The following NRXN1 variants were observed in gnomAD, a reference collection of about 807,000 sequenced individuals.
The protein encoded by NRXN1 is neurexin-1.
NRXN1 carries 39 observed loss-of-function variants against 150.9 expected under a neutral mutation model. The observed-to-expected ratio is 0.26, with a 90% CI of 0.20 to 0.34. The LOEUF is 0.34. NRXN1 is among the 10% of genes least tolerant of loss of function. The pLI is 1.00. For synonymous variants in NRXN1, 924 were observed against 757.0 expected (o/e 1.22, Z -3.62); for missense variants, 1,815 against 1,949.9 (o/e 0.93, Z 1.30).
chr2:50,388,842 T>C (rs535941797), intron 17 of NRXN1, among the ~76,000 whole-genome samples: 11 of 152,142 alleles, frequency 7.2e-5, no homozygotes, highest in African/African-American at 2.7e-4. Context: ...GGTTCTCTGA[T>C]TGATTTTATG....
At chr2:50,370,831 A>G (rs542811805) in intron 17 of NRXN1, among the ~76,000 whole-genome samples, 6 of 151,944 alleles carry the variant, frequency 3.9e-5, no homozygotes, top group Non-Finnish European at 8.8e-5. Context: ...TTTCTACTTA[A>G]TTCCTTTGCT....
At position 50,346,986 on chromosome 2, in the gene NRXN1, G is replaced by A. The variant is rs1057521771; in HGVS notation, c.3365-110016C>T. 11 of 1,360,132 alleles carry A rather than the reference G, an allele frequency of 8.1e-6. No homozygotes were observed. In the African/African-American group the frequency reaches 1.4e-4, roughly 17 times the overall value. 84.3% of individuals were successfully genotyped at this position (1,360,132 alleles called of 1,614,324 possible). On this transcript the variant is annotated intron_variant, in intron 17 of 22. Transcript: ENST00000401669. The surrounding 1 kb of genome is among the most constrained non-coding windows in gnomAD (Gnocchi z 5.0). ...CGCCGAGGGGCAGCCGCCGCGGGAG[G>A]CAAAGTTTGGGGCGCGGGGAGAGGA...
At chr2:50,045,143 C>A (rs1382086562) in intron 21 of NRXN1, among the ~76,000 whole-genome samples, 1 of 132,596 alleles carries the variant, frequency 7.5e-6, no homozygotes, top group Non-Finnish European at 1.6e-5. Flanking sequence ...TGCTGGAGAA[C>A]TTTTCAGTGA....
At chr2:50,244,719 T>TTACCTTTAATGAAC (rs2066343844) in intron 17 of NRXN1, among the ~76,000 whole-genome samples, 1 of 151,916 alleles carries the variant, frequency 6.6e-6, no homozygotes, top group Non-Finnish European at 1.5e-5. Flanking sequence ...TGGTTAATAT[T>TTACCTTTAATGAAC]ATTGTATTGT....
chr2:50,057,833 A>G (rs928138019), intron 19 of NRXN1, among the ~76,000 whole-genome samples: 45 of 152,280 alleles, frequency 3.0e-4, no homozygotes, highest in African/African-American at 1.1e-3. Context: ...AGGAAACACC[A>G]TAAACCTCAC....
At chr2:50,553,302 T>A (rs1214624836) in intron 8 of NRXN1, among the ~76,000 whole-genome samples, 1 of 152,256 alleles carries the variant, frequency 6.6e-6, no homozygotes, top group Non-Finnish European at 1.5e-5. Flanking sequence ...TCAAATAATT[T>A]AAAAATCTGC....
At chr2:50,702,091 A>T (rs858931) in intron 5 of NRXN1, among the ~76,000 whole-genome samples, 139,087 of 152,108 alleles carry the variant, frequency 0.91, 63,835 homozygotes, top group African/African-American at 0.98. Flanking sequence ...TAAGACCTAC[A>T]GGTATTCGAA....
At chr2:50,590,497 G>A (rs976726598) in intron 8 of NRXN1, among the ~76,000 whole-genome samples, 2 of 152,092 alleles carry the variant, frequency 1.3e-5, no homozygotes, top group Middle Eastern at 3.2e-3. Context: ...AGAATGTATT[G>A]CATTCCCCTG....
chr2:50,676,050 T>C (rs978766811), intron 5 of NRXN1, among the ~76,000 whole-genome samples: 1 of 152,140 alleles, frequency 6.6e-6, no homozygotes, highest in Non-Finnish European at 1.5e-5. Flanking sequence ...GTGGGCCTAG[T>C]GGTAGGTGTT....
intron 5 of NRXN1, among the ~76,000 whole-genome samples, chr2:50,899,431 G>C (rs1442023625): frequency 6.6e-6 from 1 of 152,038 alleles, no homozygotes; most frequent in South Asian, 2.1e-4. Context: ...CAATTTTAGG[G>C]ACACCCTCTG....
chr2:50,454,508 C>G (rs1431761687), intron 17 of NRXN1, among the ~76,000 whole-genome samples: 1 of 151,934 alleles, frequency 6.6e-6, no homozygotes, highest in Non-Finnish European at 1.5e-5. Context: ...GATACACACA[C>G]AGAACCTTTA....
chr2:49,997,665 A>G (rs915953834), intron 21 of NRXN1, among the ~76,000 whole-genome samples: 1 of 152,082 alleles, frequency 6.6e-6, no homozygotes, highest in Non-Finnish European at 1.5e-5. Context: ...TGCCATGTAA[A>G]GTTGTGTACT....
chr2:49,943,180 T>TCAAA lies in NRXN1; in HGVS notation c.4216+520_4216+523dup, dbSNP rs540894510. Among the ~76,000 whole-genome samples the TCAAA allele has an allele frequency of 5.7e-4, 87 of 152,162 alleles. 1 individual carries two copies. Among genetic ancestry groups the TCAAA allele is most frequent in the Non-Finnish European group, 9.6e-4 (65 of 68,036 alleles). On this transcript the variant is annotated intron_variant, in intron 22 of 22. Transcript: ENST00000401669. The stretch of plus-strand genomic sequence containing the variant: ...GAATTTTAGGGAAACATGGCAAGAC[T>TCAAA]CAAATATTTCTCTATTAAAGATATC...
At chr2:50,655,674 GGA>G (rs1330095806) in intron 5 of NRXN1, among the ~76,000 whole-genome samples, 21 of 151,008 alleles carry the variant, frequency 1.4e-4, no homozygotes, top group African/African-American at 4.9e-4. Flanking sequence ...TTTTGGGGGG[GGA>G]GGGAAGAAAG....
intron 12 of NRXN1, among the ~76,000 whole-genome samples, chr2:50,520,958 G>C (rs1573378320): frequency 6.6e-6 from 1 of 152,008 alleles, no homozygotes; most frequent in East Asian, 1.9e-4. Context: ...ATTACAGTAT[G>C]TTTGTTCTAT....
intron 17 of NRXN1, among the ~76,000 whole-genome samples, chr2:50,349,936 C>A: frequency 6.6e-6 from 1 of 152,208 alleles, no homozygotes; most frequent in East Asian, 1.9e-4. Context: ...AGAGTCAAGT[C>A]TTCATTCCTA....
At position 50,000,986 on chromosome 2, in the gene NRXN1, T is replaced by C. The variant is rs574974459; in HGVS notation, c.4128+52285A>G. ...TTCAGATAAGATAAAAGTCATAAAA[T>C]TGTTATTTTCTTCCCACAACAAAAC... On this transcript the variant is annotated intron_variant, in intron 21 of 22. Transcript: ENST00000401669. Among the ~76,000 whole-genome samples the C allele has an allele frequency of 4.5e-4, 69 of 152,260 alleles. 1 individual carries two copies. The highest frequency in any genetic ancestry group is 3.7e-3 in the South Asian group (18 of 4,820).
intron 22 of NRXN1, among the ~76,000 whole-genome samples, chr2:49,936,229 C>T (rs1323407021): frequency 2.0e-5 from 3 of 152,158 alleles, no homozygotes; most frequent in African/African-American, 7.2e-5. Flanking sequence ...TTATAAGTGG[C>T]CAATCATATG....
At chr2:50,165,966 G>A (rs1367680526) in intron 18 of NRXN1, among the ~76,000 whole-genome samples, 1 of 152,072 alleles carries the variant, frequency 6.6e-6, no homozygotes, top group East Asian at 1.9e-4. Context: ...GATTTGCAAT[G>A]ACCCTTATCT....
Sources: gnomAD v4.1 joint callset for allele counts (sites outside exome capture counted in the v4.1 genomes callset) on GRCh38, gnomAD v4.1.1 for gene constraint, Gnocchi (gnomAD v3.1) non-coding constraint, MANE v1.5 for transcripts, NCBI Gene and HGNC (gene_info 2026-07-23, HGNC 2026-07-21) for gene names.